Variants in SHANK2 observed in about 807,000 individuals in gnomAD.
The protein encoded by SHANK2 is SH3 and multiple ankyrin repeat domains 2, also known as SH3 and multiple ankyrin repeat domains protein 2.
Under a neutral mutation model 133.7 loss-of-function variants are expected in SHANK2, and 43 were observed. The observed-to-expected ratio is 0.32, with a 90% CI of 0.25 to 0.41. The LOEUF is 0.41. Among genes scored for constraint, SHANK2 ranks in the 10% least tolerant of loss-of-function variants. The pLI is 1.00. For synonymous variants in SHANK2, 1,017 were observed against 952.8 expected, an observed-to-expected ratio of 1.07 and a Z score of -1.24; for missense variants, 1,994 against 2,235.8, an observed-to-expected ratio of 0.89 and a Z score of 2.18.
At chr11:70,695,185 C>T (rs1591757740) in intron 15 of SHANK2, among the ~76,000 whole-genome samples, 5 of 152,236 alleles carry the variant, frequency 3.3e-5, no homozygotes, top group Admixed American at 3.3e-4. Flanking sequence ...TGCGTTAATG[C>T]AGACAGAGTT....
At chr11:70,757,471 C>T (rs1555039181) in intron 14 of SHANK2, among the ~76,000 whole-genome samples, 1 of 152,242 alleles carries the variant, frequency 6.6e-6, no homozygotes, top group East Asian at 1.9e-4. Context: ...GCGGCAGCAG[C>T]TCCCATGGCG....
intron 17 of SHANK2, among the ~76,000 whole-genome samples, chr11:70,599,927 G>GAAAGA (rs1565166542): frequency 6.0e-5 from 7 of 117,080 alleles, no homozygotes. Context: ...AAGAAAGAAA[G>GAAAGA]AAAGAAAGAA....
intron 17 of SHANK2, among the ~76,000 whole-genome samples, chr11:70,574,833 T>C (rs1392333151): frequency 3.3e-5 from 5 of 152,212 alleles, no homozygotes; most frequent in Admixed American, 2.6e-4. Flanking sequence ...GAAACCATTA[T>C]GGTTGGCAGC....
chr11:70,569,805 CG>C lies in SHANK2; in HGVS notation c.2062-66875del, dbSNP rs1565138655. ...TGTGATGCTGGCAGATGTGTGAGCA[CG>C]GAGGGGGTTCCTCAGCCCGGGAAAA... On this transcript the variant is annotated intron_variant, in intron 17 of 25. Coordinates refer to ENST00000601538, the MANE Select transcript of SHANK2 (RefSeq NM_012309.5). This position sits in a 1 kb window ranked among gnomAD's most constrained non-coding sequence, Gnocchi z 5.1. Among the ~76,000 whole-genome samples the C allele has an allele frequency of 6.6e-6, 1 of 151,960 alleles. No individual in the cohort carries two copies. The highest frequency in any genetic ancestry group is 2.4e-5 in the African/African-American group (1 of 41,356).
At chr11:70,607,404 G>T (rs1367497747) in intron 17 of SHANK2, among the ~76,000 whole-genome samples, 2 of 152,132 alleles carry the variant, frequency 1.3e-5, no homozygotes, top group African/African-American at 4.8e-5. Flanking sequence ...CCCCAACCAA[G>T]TACATGCTTG....
At chr11:70,679,266 G>A (rs375909816) in intron 15 of SHANK2, among the ~76,000 whole-genome samples, 5 of 152,310 alleles carry the variant, frequency 3.3e-5, no homozygotes, top group Admixed American at 1.3e-4. Context: ...AGGAAGCTGC[G>A]GCTCAGAAAG....
At position 71,131,195 on chromosome 11, in the gene SHANK2, A is replaced by G. The variant is rs186272342; in HGVS notation, c.208-12163T>C. Among the ~76,000 whole-genome samples the G allele has an allele frequency of 2.5e-3, 378 of 152,364 alleles. 4 individuals carry two copies. Among genetic ancestry groups the G allele is most frequent in the Admixed American group, 0.015 (229 of 15,306 alleles). ...GGTTTATTCCCAAATGCAATTATCC[A>G]AATGAAATAATACTTCTTACTGCGG... On this transcript the variant is annotated intron_variant, in intron 3 of 25. Coordinates refer to ENST00000601538, the MANE Select transcript of SHANK2 (RefSeq NM_012309.5).
At chr11:71,084,451 C>G (rs1465485525) in intron 8 of SHANK2, among the ~76,000 whole-genome samples, 2 of 152,288 alleles carry the variant, frequency 1.3e-5, no homozygotes, top group African/African-American at 4.8e-5. Context: ...GCCTGGGGAA[C>G]CCTGGAGTAC....
At chr11:71,186,220 G>A (rs541177783) in intron 2 of SHANK2, among the ~76,000 whole-genome samples, 4 of 152,186 alleles carry the variant, frequency 2.6e-5, no homozygotes, top group South Asian at 2.1e-4. Flanking sequence ...AGTCCTGCAC[G>A]TCCCAGGCAA....
chr11:70,749,251 G>T (rs1946707699), intron 14 of SHANK2, among the ~76,000 whole-genome samples: 1 of 152,232 alleles, frequency 6.6e-6, no homozygotes, highest in South Asian at 2.1e-4. Flanking sequence ...GCCAGAGGAA[G>T]GGAGTCCCCA....
intron 14 of SHANK2, among the ~76,000 whole-genome samples, chr11:70,784,547 T>C (rs1555046008): frequency 6.6e-6 from 1 of 151,858 alleles, no homozygotes; most frequent in Admixed American, 6.6e-5. Context: ...TCTCAGGTGA[T>C]CTGCCCACCT....
chr11:71,172,425 C>T (rs910365328), intron 2 of SHANK2, among the ~76,000 whole-genome samples: 93 of 151,782 alleles, frequency 6.1e-4, no homozygotes, highest in African/African-American at 2.1e-3. Context: ...TGGTGACACC[C>T]CATCTCTACT....
chr11:71,116,671 T>A (rs1272981935), intron 4 of SHANK2, among the ~76,000 whole-genome samples: 1 of 152,236 alleles, frequency 6.6e-6, no homozygotes, highest in Admixed American at 6.5e-5. Flanking sequence ...TTTGACTGTG[T>A]GTCCCCTCCA....
chr11:70,543,730 C>T (rs1162146975), intron 17 of SHANK2, among the ~76,000 whole-genome samples: 1 of 152,212 alleles, frequency 6.6e-6, no homozygotes, highest in South Asian at 2.1e-4. Context: ...TCATGGGAAC[C>T]CTGATTCATA....
intron 9 of SHANK2, among the ~76,000 whole-genome samples, chr11:71,066,226 G>A (rs879083981): frequency 0.045 from 15 of 334 alleles, 2 homozygotes; most frequent in African/African-American, 0.087. Flanking sequence ...CTCCCCCGGA[G>A]ATGAGCAGTG....
At chr11:70,725,106 G>A (rs1337532391) in intron 14 of SHANK2, among the ~76,000 whole-genome samples, 1 of 152,164 alleles carries the variant, frequency 6.6e-6, no homozygotes, top group Non-Finnish European at 1.5e-5. Context: ...CTTTGGGGGG[G>A]AAAACACTTA....
chr11:70,862,111 C>A (rs1489766133), intron 11 of SHANK2, among the ~76,000 whole-genome samples: 1 of 152,132 alleles, frequency 6.6e-6, no homozygotes, highest in African/African-American at 2.4e-5. Flanking sequence ...CCCCACGATG[C>A]GGCTGTCTCT....
At chr11:71,146,694 C>T (rs568923498) in intron 3 of SHANK2, among the ~76,000 whole-genome samples, 2 of 152,254 alleles carry the variant, frequency 1.3e-5, no homozygotes, top group South Asian at 2.1e-4. Context: ...GCCTCTGGCA[C>T]AGCAGAGTCC....
intron 2 of SHANK2, among the ~76,000 whole-genome samples, chr11:71,162,059 C>T (rs1324379777): frequency 6.6e-6 from 1 of 152,196 alleles, no homozygotes; most frequent in African/African-American, 2.4e-5. Context: ...GCTTTTTGTT[C>T]TGGAGCATCA....
Sources: allele counts gnomAD v4.1 joint callset (sites outside exome capture counted in the v4.1 genomes callset), GRCh38; gene constraint gnomAD v4.1.1; non-coding constraint Gnocchi (gnomAD v3.1); transcripts MANE v1.5; gene names NCBI Gene and HGNC (gene_info 2026-07-23, HGNC 2026-07-21).